Variants in P4HA1 observed in about 807,000 individuals in gnomAD.
P4HA1 encodes the protein prolyl 4-hydroxylase subunit alpha-1.
A neutral mutation model predicts 72.8 loss-of-function variants in P4HA1; 24 were observed. The observed-to-expected ratio is 0.33, with a 90% confidence interval of 0.24 to 0.46. The LOEUF (loss-of-function observed/expected upper bound fraction) is 0.46. Among genes scored for constraint, P4HA1 ranks in the 20% least tolerant of loss-of-function variants. The pLI, the probability that P4HA1 is intolerant of heterozygous loss-of-function variation, is 1.00. For synonymous variants in P4HA1, 201 were observed against 218.8 expected (o/e 0.92, Z 0.72); for missense variants, 446 against 640.6 (o/e 0.70, Z 3.28).
At chr10:73,022,880 G>C (rs556443091) in intron 10 of P4HA1, among the ~76,000 whole-genome samples, 1 of 152,274 alleles carries the variant, frequency 6.6e-6, no homozygotes, top group East Asian at 1.9e-4. Context: ...TGATCAAGTG[G>C]AACAAAGGGT....
At chr10:73,026,326 G>A (rs191711148) in intron 10 of P4HA1, among the ~76,000 whole-genome samples, 1 of 152,312 alleles carries the variant, frequency 6.6e-6, no homozygotes, top group Admixed American at 6.5e-5. Context: ...TCTGATCTTT[G>A]ACGAACCTGA....
chr10:73,028,241 ACAG>A (rs1185354736), intron 10 of P4HA1, among the ~76,000 whole-genome samples: 1 of 151,694 alleles, frequency 6.6e-6, no homozygotes, highest in Non-Finnish European at 1.5e-5. Context: ...GGAAAAAAAA[ACAG>A]AAGAAAAGAC....
intron 1 of P4HA1, among the ~76,000 whole-genome samples, chr10:73,095,522 T>TA (rs3065972): frequency 0.02 from 2,722 of 133,494 alleles, 27 homozygotes; most frequent in East Asian, 0.025. Context: ...ACCAGAACTT[T>TA]AAAAAAAAAA....
rs1264543786 is a variant in P4HA1, at chr10:73,074,862, T to A, written c.22A>T (p.Ile8Leu). MIWYILI[I>L]GILLPQSLAH... is the part of the protein sequence containing the mutation. ...AAAGACTGGGGAAGCAGAATTCCTA[T>A]AATTAATATATACCAGATCATCTTG... The change falls in exon 2 of 15, where the codon ATA (isoleucine) becomes TTA (leucine). Residue 8 changes from isoleucine to leucine, a missense_variant. Physicochemically the swap from Ile to Leu is conservative, Grantham distance 5. Coordinates refer to ENST00000394890, the MANE Select transcript of P4HA1 (RefSeq NM_001017962.3). 2.0e-6 allele frequency: 3 copies of A among 1,536,560 alleles called. No homozygotes were observed. In the African/African-American group the frequency reaches 4.1e-5, roughly 21 times the overall value.
At position 73,014,431 on chromosome 10, in the gene P4HA1, C is replaced by T. The variant is rs190917623; in HGVS notation, c.1303-142G>A. On this transcript the variant is annotated intron_variant, in intron 11 of 14. Coordinates refer to ENST00000394890, the MANE Select transcript of P4HA1 (RefSeq NM_001017962.3). The stretch of plus-strand genomic sequence containing the variant: ...AGTTTCCCTTGTAATGTCCAGTGCA[C>T]TATAAACATCAGGCAATCTTTTTGT... 7.8e-4 allele frequency: 485 copies of T among 624,344 alleles called. No individual in the cohort carries two copies. In the African/African-American group the frequency reaches 8.1e-3, roughly 10 times the overall value. 38.7% of individuals were successfully genotyped at this position (624,344 alleles called of 1,614,324 possible).
At chr10:73,076,360 GTT>G (rs553512800) in intron 1 of P4HA1, among the ~76,000 whole-genome samples, 15 of 135,944 alleles carry the variant, frequency 1.1e-4, no homozygotes, top group Non-Finnish European at 9.7e-5. Context: ...CACTGTGCCT[GTT>G]TTTTTTTTTT....
chr10:73,073,777 T>C lies in P4HA1; in HGVS notation c.127A>G (p.Lys43Glu). 1 of 1,592,210 alleles carries C rather than the reference T, an allele frequency of 6.3e-7. No homozygotes were observed. The highest frequency in any genetic ancestry group is 8.6e-7 in the Non-Finnish European group (1 of 1,160,542). The stretch of plus-strand genomic sequence containing the variant: ...TCCTCTTCTGCCTTAATATAATCTT[T>C]CAGAGAAGTCACCAGATCTTTCTCA... ...HTEKDLVTSL[K>E]DYIKAEEDKL... The change falls in exon 3 of 15, where the codon AAA becomes GAA. Residue 43 changes from lysine (K) to glutamate (E), a missense_variant. Coordinates refer to ENST00000394890, the MANE Select transcript of P4HA1 (RefSeq NM_001017962.3).
intron 1 of P4HA1, among the ~76,000 whole-genome samples, chr10:73,089,816 C>T (rs1048137458): frequency 6.6e-6 from 1 of 150,902 alleles, no homozygotes; most frequent in African/African-American, 2.4e-5. Flanking sequence ...CCTAGGGATA[C>T]AGAGAGGGTA....
chr10:73,087,767 C>T (rs72812271), intron 1 of P4HA1, among the ~76,000 whole-genome samples: 23,399 of 152,096 alleles, frequency 0.15, 3,075 homozygotes, highest in East Asian at 0.55. Flanking sequence ...GCTGGGATTA[C>T]AGACGTGAGC....
intron 9 of P4HA1, among the ~76,000 whole-genome samples, chr10:73,031,272 C>G (rs1425773060): frequency 6.6e-6 from 1 of 152,122 alleles, no homozygotes; most frequent in Non-Finnish European, 1.5e-5. Context: ...TCTCTTGAGG[C>G]CAGGAGTTTG....
Position 73,008,343 on chromosome 10 carries a change from T to C in P4HA1, c.1535-51A>G, listed in dbSNP as rs776298360. 3 of 1,144,694 alleles carry C rather than the reference T, an allele frequency of 2.6e-6. No individual in the cohort carries two copies. The African/African-American group carries it at 4.6e-5, about 18-fold the overall frequency. 70.9% of individuals were successfully genotyped at this position (1,144,694 alleles called of 1,614,324 possible). A position where few individuals can be genotyped will look rare whatever the true frequency, so the allele number is the denominator to read the frequency against. On this transcript the variant is annotated intron_variant, in intron 14 of 14. Transcript: ENST00000394890. Reference sequence around the variant, plus strand: ...TTTTCCCCCTTAATCTAATCAGTATTTAATTAGTTTCTAAAAGCTAGGTCT... The same window carrying C: ...TTTTCCCCCTTAATCTAATCAGTATCTAATTAGTTTCTAAAAGCTAGGTCT...
chr10:73,062,703 C>CTA (rs1395002647), intron 5 of P4HA1, among the ~76,000 whole-genome samples: 1 of 152,136 alleles, frequency 6.6e-6, no homozygotes, highest in Non-Finnish European at 1.5e-5. Context: ...CCGGACTTAG[C>CTA]TATAACCTAT....
chr10:73,058,630 A>T (rs1841217420), intron 5 of P4HA1, among the ~76,000 whole-genome samples: 1 of 152,028 alleles, frequency 6.6e-6, no homozygotes. Context: ...TACTGACAAT[A>T]AGTAAAAAAA....
intron 3 of P4HA1, 66 bp from the exon 4 acceptor site, chr10:73,072,246 C>T (rs1354909749): frequency 1.4e-5 from 18 of 1,324,624 alleles, no homozygotes; most frequent in Admixed American, 2.1e-5. Context: ...TTTAATGAAA[C>T]GCTCAGAAAA....
chr10:73,040,685 G>A (rs1332311905), intron 9 of P4HA1, among the ~76,000 whole-genome samples: 2 of 151,690 alleles, frequency 1.3e-5, no homozygotes, highest in Admixed American at 6.6e-5. Context: ...TGTTTGTGAG[G>A]ATGGTCTTGA....
chr10:73,077,298 A>T (rs941234835), intron 1 of P4HA1, among the ~76,000 whole-genome samples: 1 of 152,246 alleles, frequency 6.6e-6, no homozygotes. Context: ...AATGTTGTCT[A>T]AACTTTTAAC....
At chr10:73,017,286 T>A (rs1447524936) in intron 10 of P4HA1, among the ~76,000 whole-genome samples, 1 of 151,780 alleles carries the variant, frequency 6.6e-6, no homozygotes, top group Non-Finnish European at 1.5e-5. Flanking sequence ...TCTATACAGA[T>A]CTACATATAT....
intron 1 of P4HA1, among the ~76,000 whole-genome samples, chr10:73,094,564 C>T (rs919413368): frequency 6.6e-6 from 1 of 152,192 alleles, no homozygotes; most frequent in Admixed American, 6.5e-5. Context: ...TAATTATATC[C>T]TAGTTGATAA....
At chr10:73,066,363 CT>C (rs1193992768) in intron 5 of P4HA1, among the ~76,000 whole-genome samples, 1 of 152,056 alleles carries the variant, frequency 6.6e-6, no homozygotes, top group Non-Finnish European at 1.5e-5. Context: ...AATATTGCCC[CT>C]AAGACTAAAC....
Sources: gnomAD v4.1 joint callset for allele counts (sites outside exome capture counted in the v4.1 genomes callset) on GRCh38, gnomAD v4.1.1 for gene constraint, MANE v1.5 for transcripts, NCBI Gene and HGNC (gene_info 2026-07-23, HGNC 2026-07-21) for gene names.